UGGT2: variants seen among roughly 807,000 people sequenced by gnomAD.
The protein encoded by UGGT2 is UDP-glucose:glycoprotein glucosyltransferase 2.
Under a neutral mutation model 192.1 loss-of-function variants are expected in UGGT2, and 180 were observed. The observed-to-expected ratio is 0.94, with a 90% CI of 0.83 to 1.06. UGGT2 has a LOEUF of 1.06. Among genes scored for constraint, UGGT2 ranks in the 50% least tolerant of loss-of-function variants. UGGT2 has a pLI of 0.00. For synonymous variants in UGGT2, 580 were observed against 591.0 expected, an observed-to-expected ratio of 0.98 and a Z score of 0.27; for missense variants, 1,849 against 1,795.7, an observed-to-expected ratio of 1.03 and a Z score of -0.54.
chr13:95,900,433 G>A (rs1160454841), intron 22 of UGGT2, among the ~76,000 whole-genome samples: 1 of 152,116 alleles, frequency 6.6e-6, no homozygotes, highest in Non-Finnish European at 1.5e-5. Flanking sequence ...ATACACAACT[G>A]TAGGAACAAG....
intron 6 of UGGT2, among the ~76,000 whole-genome samples, chr13:95,998,018 T>C (rs1412235628): frequency 6.6e-6 from 1 of 152,216 alleles, no homozygotes; most frequent in Non-Finnish European, 1.5e-5. Context: ...TGGAAAGTAC[T>C]GTGGAGATTA....
chr13:95,846,722 T>C (rs1888502931), intron 36 of UGGT2, among the ~76,000 whole-genome samples: 1 of 152,192 alleles, frequency 6.6e-6, no homozygotes, highest in African/African-American at 2.4e-5. Context: ...AAACTACAAA[T>C]TCCATTTCTT....
intron 38 of UGGT2, among the ~76,000 whole-genome samples, chr13:95,827,657 A>C (rs1886181545): frequency 6.6e-6 from 1 of 152,186 alleles, no homozygotes; most frequent in Non-Finnish European, 1.5e-5. Flanking sequence ...AAATTATAAA[A>C]GATATACTAT....
In UGGT2 at chr13:96,013,432, CTTTG is replaced by C. The variant is rs751349526; in HGVS notation, c.531_534del (p.Asn177LysfsTer7). On this transcript the variant is annotated frameshift_variant, in exon 5 of 39. Coordinates refer to ENST00000376747, the MANE Select transcript of UGGT2 (RefSeq NM_020121.4). LOFTEE classifies it high-confidence loss of function. ...TAGAGAATCACCACTGGTAAGTTCT[CTTTG>C]TTTGTAGGAAATTTGTGATCTCCTT... The C allele has an allele frequency of 2.3e-5, 37 of 1,602,334 alleles. No homozygotes were observed. Among genetic ancestry groups the C allele is most frequent in the South Asian group, 5.7e-5 (5 of 88,324 alleles).
intron 30 of UGGT2, 76 bp downstream of exon 30, chr13:95,867,263 T>C (rs1890754236): frequency 3.3e-6 from 4 of 1,213,904 alleles, no homozygotes; most frequent in Non-Finnish European, 4.6e-6. Context: ...GTAAAATAAA[T>C]CAATTAATTA....
intron 10 of UGGT2, among the ~76,000 whole-genome samples, chr13:95,974,810 G>T (rs1306595513): frequency 6.6e-6 from 1 of 152,080 alleles, no homozygotes; most frequent in East Asian, 1.9e-4. Flanking sequence ...GACTGGGTGC[G>T]GTGGCTCACA....
At chr13:95,896,546 G>A (rs1199535579) in intron 22 of UGGT2, among the ~76,000 whole-genome samples, 1 of 152,022 alleles carries the variant, frequency 6.6e-6, no homozygotes, top group South Asian at 2.1e-4. Flanking sequence ...TACCTCTAGC[G>A]ACAGGGGCAG....
intron 6 of UGGT2, among the ~76,000 whole-genome samples, chr13:95,997,594 G>T (rs1466490306): frequency 1.3e-5 from 2 of 152,034 alleles, no homozygotes; most frequent in African/African-American, 4.8e-5. Flanking sequence ...AGTGAGCTGA[G>T]ATCACACCAC....
chr13:96,029,651 T>C (rs1477023910), intron 2 of UGGT2, among the ~76,000 whole-genome samples: 2 of 152,230 alleles, frequency 1.3e-5, no homozygotes, highest in Non-Finnish European at 2.9e-5. Context: ...TCCTTCCATA[T>C]ATGCTTGATG....
intron 29 of UGGT2, among the ~76,000 whole-genome samples, chr13:95,872,568 T>C (rs12858210): frequency 0.36 from 54,571 of 151,908 alleles, 10,294 homozygotes; most frequent in Non-Finnish European, 0.42. Context: ...TAACATGTAT[T>C]TTTTTTGCAT....
intron 10 of UGGT2, among the ~76,000 whole-genome samples, chr13:95,974,048 C>G (rs527991990): frequency 1.3e-5 from 2 of 152,166 alleles, no homozygotes; most frequent in Non-Finnish European, 2.9e-5. Flanking sequence ...GAGGAAGCAA[C>G]TAACTTGAAG....
chr13:96,028,703 A>C (rs1416317148), intron 2 of UGGT2, among the ~76,000 whole-genome samples: 1 of 152,246 alleles, frequency 6.6e-6, no homozygotes, highest in East Asian at 1.9e-4. Flanking sequence ...CAATATTTAC[A>C]ATTTTTTTAG....
intron 12 of UGGT2, among the ~76,000 whole-genome samples, chr13:95,951,823 C>A (rs1400408822): frequency 6.6e-6 from 1 of 151,994 alleles, no homozygotes; most frequent in Non-Finnish European, 1.5e-5. Flanking sequence ...ACTTTGGGAG[C>A]CTGAGGTGGG....
chr13:95,890,499 A>G (rs897050512), intron 25 of UGGT2, among the ~76,000 whole-genome samples: 1 of 152,212 alleles, frequency 6.6e-6, no homozygotes, highest in South Asian at 2.1e-4. Context: ...AAGGCCACCA[A>G]TCCTATTGGA....
rs35944089 is a variant in UGGT2, at chr13:95,856,236, A to G, written c.3930T>C (p.Ile1310=). 2,846 of 1,613,656 alleles carry G rather than the reference A, an allele frequency of 1.8e-3. 47 individuals are homozygous for G. The African/African-American group carries it at 0.033, about 19-fold the overall frequency. The stretch of plus-strand genomic sequence containing the variant: ...CAAGGAAAAGAATTTTGTAACCCCA[A>G]ATAATCCTCTGTCTTTCAGTCTGTT... ...LRQQTERQRI[I]WGYKILFLDV... The change falls in exon 34 of 39, where the codon ATT becomes ATC. Residue 1310 remains isoleucine, a synonymous_variant. Coordinates refer to ENST00000376747, the MANE Select transcript of UGGT2 (RefSeq NM_020121.4).
chr13:95,814,189 G>C (rs573097958), intron 38 of UGGT2, among the ~76,000 whole-genome samples: 1 of 152,316 alleles, frequency 6.6e-6, no homozygotes, highest in South Asian at 2.1e-4. Flanking sequence ...TATGAGAAGA[G>C]GGCCACTGTC....
At position 95,895,144 on chromosome 13, in the gene UGGT2, C is replaced by A. The variant is rs1246678198; in HGVS notation, c.2759+36G>T. 3 of 1,542,468 alleles carry A rather than the reference C, an allele frequency of 1.9e-6. No individual in the cohort carries two copies. In the Admixed American group the frequency reaches 7.2e-5, roughly 37 times the overall value. ...AAAACATTAGACTCAAAATACCAAA[C>A]CCAAAATGAATTGCTCTTAGAACTT... On this transcript the variant is annotated intron_variant, in intron 23 of 38. Transcript: ENST00000376747.
intron 38 of UGGT2, among the ~76,000 whole-genome samples, chr13:95,815,274 ATTT>A (rs1346588149): frequency 1.3e-5 from 2 of 152,200 alleles, no homozygotes; most frequent in African/African-American, 4.8e-5. Context: ...AAGTAAAACT[ATTT>A]TTATTTGCTG....
chr13:95,820,890 T>A (rs542501064), intron 38 of UGGT2, among the ~76,000 whole-genome samples: 1 of 152,256 alleles, frequency 6.6e-6, no homozygotes, highest in South Asian at 2.1e-4. Flanking sequence ...TCACTTAGAA[T>A]AATGGCCACC....
Sources: allele counts gnomAD v4.1 joint callset (sites outside exome capture counted in the v4.1 genomes callset), GRCh38; gene constraint gnomAD v4.1.1; transcripts MANE v1.5; gene names NCBI Gene and HGNC (gene_info 2026-07-23, HGNC 2026-07-21).